The following MYO6 variants were observed in gnomAD, a reference collection of about 807,000 sequenced individuals.
MYO6 encodes myosin VI, also known as unconventional myosin-VI.
Under a neutral mutation model 178.7 loss-of-function variants are expected in MYO6, and 74 were observed. The ratio of observed to expected loss-of-function variants is 0.41; its 90% CI spans 0.34 to 0.50. The LOEUF is 0.50. Ranked by LOEUF, MYO6 falls within the 20% of genes least tolerant of loss-of-function variation. The pLI is 0.09. For missense variants in MYO6, 1,330 were observed against 1,547.4 expected, an observed-to-expected ratio of 0.86 and a Z score of 2.36; for synonymous variants, 477 against 504.6, an observed-to-expected ratio of 0.95 and a Z score of 0.73.
In MYO6 at chr6:75,866,918, G is replaced by C; in HGVS notation, c.1771-14G>C. On this transcript the variant is annotated splice_polypyrimidine_tract_variant and intron_variant, in intron 17 of 34. Transcript: ENST00000369977. ...AAGATGGACAGAAACATTCCTGTTTGATTTATTTTTCAGACCCAGTTTGTG... is the reference window on the plus strand; with the variant it reads ...AAGATGGACAGAAACATTCCTGTTTCATTTATTTTTCAGACCCAGTTTGTG... The C allele has an allele frequency of 6.2e-7, 1 of 1,612,758 alleles. No individual in the cohort carries two copies. Among genetic ancestry groups the C allele is most frequent in the South Asian group, 1.1e-5 (1 of 90,912 alleles).
chr6:75,911,521 T>TA, intron 32 of MYO6, 151 bp from the exon 33 acceptor site: 1 of 689,614 alleles, frequency 1.5e-6, no homozygotes, highest in Admixed American at 2.5e-5. Flanking sequence ...CAGCACCTGC[T>TA]TTTAGGTAAT....
chr6:75,838,398 G>T (rs536381413), intron 7 of MYO6, among the ~76,000 whole-genome samples: 1 of 152,088 alleles, frequency 6.6e-6, no homozygotes, highest in South Asian at 2.1e-4. Context: ...AACTAGAAGG[G>T]TATAGCGTCT....
chr6:75,905,387 C>T (rs1458025634), intron 30 of MYO6, among the ~76,000 whole-genome samples: 5 of 152,236 alleles, frequency 3.3e-5, no homozygotes, highest in African/African-American at 4.8e-5. Context: ...GGCGTAGGAC[C>T]CTCCGAGCCA....
chr6:75,881,642 A>C (rs777493061), intron 22 of MYO6, 47 bp from the exon 23 acceptor site: 6 of 1,574,150 alleles, frequency 3.8e-6, no homozygotes, highest in Admixed American at 1.7e-5. Context: ...TATGTGTTCA[A>C]ATGCATTTAT....
chr6:75,881,062 G>A (rs1474885450), intron 22 of MYO6, among the ~76,000 whole-genome samples: 1 of 152,086 alleles, frequency 6.6e-6, no homozygotes, highest in Non-Finnish European at 1.5e-5. Flanking sequence ...GACCAGCTTG[G>A]GCAACATGGC....
At chr6:75,845,167 G>GT (rs748160364) in intron 10 of MYO6, among the ~76,000 whole-genome samples, 190 bp downstream of exon 10, 3 of 152,134 alleles carry the variant, frequency 2.0e-5, no homozygotes, top group South Asian at 4.1e-4. Context: ...ATCTAGTGAA[G>GT]TGACAGGTTC....
At chr6:75,844,808 G>A (rs1774571238) in intron 9 of MYO6, 89 bp from the exon 10 acceptor site, 1 of 1,003,580 alleles carries the variant, frequency 1.0e-6, no homozygotes, top group South Asian at 1.3e-5. Context: ...ATTCTTCATG[G>A]TTGGCACTAT....
At chr6:75,756,993 CACACATATAT>C (rs1777448563) in intron 1 of MYO6, among the ~76,000 whole-genome samples, 3 of 126,414 alleles carry the variant, frequency 2.4e-5, no homozygotes, top group East Asian at 2.3e-4. Context: ...TATATGTATA[CACACATATAT>C]AGTGTGTATA....
At chr6:75,877,228 C>T (rs1020826531) in intron 20 of MYO6, among the ~76,000 whole-genome samples, 1 of 151,694 alleles carries the variant, frequency 6.6e-6, no homozygotes, top group Admixed American at 6.6e-5. Context: ...CTGCCTCGGC[C>T]TCCCAAAGTG....
At chr6:75,787,218 C>T (rs1767658078) in intron 1 of MYO6, among the ~76,000 whole-genome samples, 1 of 152,160 alleles carries the variant, frequency 6.6e-6, no homozygotes, top group South Asian at 2.1e-4. Flanking sequence ...TCATATGTTG[C>T]TTACCATACT....
chr6:75,880,370 G>C (rs962870810), intron 22 of MYO6, among the ~76,000 whole-genome samples: 5 of 152,112 alleles, frequency 3.3e-5, no homozygotes, highest in African/African-American at 1.2e-4. Flanking sequence ...ATTTATTTTA[G>C]AGCACAGGTG....
chr6:75,894,337 A>G (rs57596963), intron 28 of MYO6, among the ~76,000 whole-genome samples: 44 of 152,334 alleles, frequency 2.9e-4, no homozygotes, highest in African/African-American at 1.0e-3. Flanking sequence ...TAATGGGACC[A>G]TATTAAGTAA....
chr6:75,798,740 T>C (rs1562173848), intron 1 of MYO6, among the ~76,000 whole-genome samples: 2 of 151,820 alleles, frequency 1.3e-5, no homozygotes, highest in South Asian at 2.1e-4. Flanking sequence ...ACCACTCTTA[T>C]TCTGGAAGTC....
intron 11 of MYO6, among the ~76,000 whole-genome samples, chr6:75,853,525 G>A (rs566754817): frequency 9.2e-5 from 14 of 152,204 alleles, no homozygotes; most frequent in Admixed American, 5.9e-4. Context: ...GTTGAGGAAG[G>A]GGTCCAGCTT....
intron 30 of MYO6, among the ~76,000 whole-genome samples, chr6:75,899,467 G>A (rs1207861717): frequency 6.6e-6 from 1 of 152,030 alleles, no homozygotes; most frequent in Non-Finnish European, 1.5e-5. Context: ...TGGTAGTTTA[G>A]GGATGTAGAA....
chr6:75,751,564 T>C (rs1338715023), intron 1 of MYO6, among the ~76,000 whole-genome samples: 1 of 152,172 alleles, frequency 6.6e-6, no homozygotes, highest in Non-Finnish European at 1.5e-5. Flanking sequence ...TCATAACCAG[T>C]AGGGATTATC....
intron 9 of MYO6, among the ~76,000 whole-genome samples, chr6:75,843,649 T>C (rs781702253): frequency 1.3e-5 from 2 of 152,178 alleles, no homozygotes; most frequent in Non-Finnish European, 2.9e-5. Context: ...ATGTTTAAAC[T>C]ATTATTCTGC....
chr6:75,907,794 ATG>A (rs71002774), intron 31 of MYO6, 86 bp downstream of exon 31: 28,441 of 708,030 alleles, frequency 0.04, 1 homozygote, highest in East Asian at 0.086. Context: ...GTGTGTGTGT[ATG>A]TGTGTGTGTG....
At chr6:75,863,098 A>G (rs1279151830) in intron 16 of MYO6, among the ~76,000 whole-genome samples, 1 of 152,160 alleles carries the variant, frequency 6.6e-6, no homozygotes, top group Non-Finnish European at 1.5e-5. Flanking sequence ...TCAAAAAAAT[A>G]AAAGTACAAT....
Sources: gnomAD v4.1 joint callset for allele counts (sites outside exome capture counted in the v4.1 genomes callset) on GRCh38, gnomAD v4.1.1 for gene constraint, MANE v1.5 for transcripts, NCBI Gene and HGNC (gene_info 2026-07-23, HGNC 2026-07-21) for gene names.